Variants in FAF1 observed in about 807,000 individuals in gnomAD.
The protein encoded by FAF1 is Fas associated factor 1.
FAF1 carries 25 observed loss-of-function variants against 92.5 expected under a neutral mutation model. That is an observed-to-expected ratio of 0.27 (90% CI 0.20 to 0.38). The LOEUF is 0.38. FAF1 is among the 10% of genes least tolerant of loss of function. The pLI is 1.00. For synonymous variants in FAF1, 234 were observed against 273.2 expected, an observed-to-expected ratio of 0.86 and a Z score of 1.42; for missense variants, 636 against 793.3, an observed-to-expected ratio of 0.80 and a Z score of 2.38.
intron 1 of FAF1, among the ~76,000 whole-genome samples, chr1:50,941,751 G>A (rs548156502): frequency 6.6e-6 from 1 of 152,254 alleles, no homozygotes; most frequent in African/African-American, 2.4e-5. Flanking sequence ...CAATAGAAGG[G>A]AAATATGTTC....
chr1:50,869,714 T>TA lies in FAF1; in HGVS notation c.46-11718dup, dbSNP rs551447726. ...CCTATAGTTTTCCAATTTACCTACC[T>TA]AGTATAGAGTTTTTTCTTTGAGGAT... On this transcript the variant is annotated intron_variant, in intron 1 of 18. Coordinates refer to ENST00000396153, the MANE Select transcript of FAF1 (RefSeq NM_007051.3). Among the ~76,000 whole-genome samples the TA allele has an allele frequency of 2.0e-4, 30 of 152,328 alleles. 1 individual carries two copies. In the South Asian group the frequency reaches 6.0e-3, roughly 30 times the overall value.
intron 9 of FAF1, among the ~76,000 whole-genome samples, chr1:50,587,311 C>A (rs538003222): frequency 8.5e-5 from 13 of 152,222 alleles, no homozygotes; most frequent in Admixed American, 8.5e-4. Flanking sequence ...TTCCAGAAAA[C>A]AAAATCCTAT....
chr1:50,551,559 T>C (rs1254325269), intron 13 of FAF1, among the ~76,000 whole-genome samples: 1 of 152,206 alleles, frequency 6.6e-6, no homozygotes, highest in Non-Finnish European at 1.5e-5. Context: ...AGATGGTTTA[T>C]GAACAATTAG....
chr1:50,546,655 C>T lies in FAF1; in HGVS notation c.1269-6927G>A, dbSNP rs556750449. ...CTGAGATCACAGGCATGAGATACCG[C>T]GCCCGGCCATTAATTTGTTTATATA... On this transcript the variant is annotated intron_variant, in intron 13 of 18. Transcript: ENST00000396153. Among the ~76,000 whole-genome samples, 23 of 152,218 alleles carry T rather than the reference C, an allele frequency of 1.5e-4. No homozygotes were observed. In the South Asian group the frequency reaches 4.6e-3, roughly 30 times the overall value.
At chr1:50,460,737 G>A (rs1237779634) in intron 18 of FAF1, among the ~76,000 whole-genome samples, 1 of 151,024 alleles carries the variant, frequency 6.6e-6, no homozygotes, top group Non-Finnish European at 1.5e-5. Flanking sequence ...AGACTGAAGT[G>A]ATCCTCCCAC....
chr1:50,791,026 T>G (rs72902765), intron 3 of FAF1, among the ~76,000 whole-genome samples: 10,077 of 152,218 alleles, frequency 0.066, 414 homozygotes, highest in East Asian at 0.095. Context: ...TAAATCATAC[T>G]CCAAAAAGTT....
At chr1:50,820,847 ATGTG>A (rs59160200) in intron 2 of FAF1, among the ~76,000 whole-genome samples, 13 of 149,710 alleles carry the variant, frequency 8.7e-5, no homozygotes, top group African/African-American at 3.2e-4. Context: ...CTGAATAATA[ATGTG>A]TGTGTGTGTG....
At position 50,441,360 on chromosome 1, in the gene FAF1, G is replaced by C; in HGVS notation, c.*80C>G. 1.3e-6 allele frequency: 1 copy of C among 757,382 alleles called. No individual in the cohort carries two copies. The highest frequency in any genetic ancestry group is 2.1e-6 in the Non-Finnish European group (1 of 474,598). 46.9% of individuals were successfully genotyped at this position (757,382 alleles called of 1,614,324 possible). On this transcript the variant is annotated 3_prime_UTR_variant, in exon 19 of 19. Transcript: ENST00000396153. Reference sequence around the variant, plus strand: ...TTGAATTGAGTGAGACGAGCGTGTGGGTGGGTTGGCGAGGAGCCCTTCTCC... The same window carrying C: ...TTGAATTGAGTGAGACGAGCGTGTGCGTGGGTTGGCGAGGAGCCCTTCTCC...
At chr1:50,824,402 C>T (rs1054695198) in intron 2 of FAF1, among the ~76,000 whole-genome samples, 1 of 151,994 alleles carries the variant, frequency 6.6e-6, no homozygotes, top group Non-Finnish European at 1.5e-5. Context: ...CTATAGTCTG[C>T]CTTATAATAA....
chr1:50,502,913 G>A (rs752948769), intron 15 of FAF1, among the ~76,000 whole-genome samples: 6 of 152,014 alleles, frequency 3.9e-5, no homozygotes, highest in Non-Finnish European at 7.4e-5. Context: ...TTAAACTCCT[G>A]GGCTCAAGTG....
intron 15 of FAF1, among the ~76,000 whole-genome samples, chr1:50,510,977 CAT>C (rs1054937326): frequency 4.6e-5 from 7 of 152,198 alleles, no homozygotes; most frequent in African/African-American, 1.4e-4. Flanking sequence ...ATATGGAAGA[CAT>C]ATTTTATCTA....
At chr1:50,508,865 T>TA (rs527901335) in intron 15 of FAF1, among the ~76,000 whole-genome samples, 34 of 152,316 alleles carry the variant, frequency 2.2e-4, no homozygotes, top group African/African-American at 6.7e-4. Flanking sequence ...CACACCCTGC[T>TA]AATTTTTTTT....
intron 8 of FAF1, among the ~76,000 whole-genome samples, chr1:50,654,537 G>A (rs1655016124): frequency 6.6e-6 from 1 of 151,936 alleles, no homozygotes; most frequent in South Asian, 2.1e-4. Context: ...TTTACAATAA[G>A]GAAATCATTA....
intron 8 of FAF1, among the ~76,000 whole-genome samples, chr1:50,624,398 C>G (rs746953898): frequency 6.6e-6 from 1 of 152,162 alleles, no homozygotes; most frequent in African/African-American, 2.4e-5. Flanking sequence ...CTGCCCGCCT[C>G]GGCCTCCCAA....
chr1:50,673,428 C>T (rs887511415), intron 7 of FAF1, among the ~76,000 whole-genome samples: 2 of 152,136 alleles, frequency 1.3e-5, no homozygotes, highest in African/African-American at 2.4e-5. Context: ...AAAATACATA[C>T]TGAGTACCTA....
intron 2 of FAF1, among the ~76,000 whole-genome samples, chr1:50,857,532 A>C (rs911217562): frequency 9.2e-5 from 14 of 151,802 alleles, no homozygotes; most frequent in African/African-American, 3.1e-4. Context: ...ACCATAGCAG[A>C]ATGCAACTAC....
At chr1:50,814,921 G>A (rs1643952896) in intron 2 of FAF1, among the ~76,000 whole-genome samples, 1 of 152,154 alleles carries the variant, frequency 6.6e-6, no homozygotes, top group Non-Finnish European at 1.5e-5. Flanking sequence ...CTTTTGTACT[G>A]CTGATGGGAA....
chr1:50,727,751 G>A (rs1481969923), intron 6 of FAF1, among the ~76,000 whole-genome samples: 1 of 152,166 alleles, frequency 6.6e-6, no homozygotes, highest in Non-Finnish European at 1.5e-5. Context: ...CCTCAATCTG[G>A]GTGGGTATTG....
intron 7 of FAF1, among the ~76,000 whole-genome samples, chr1:50,674,226 C>T (rs1656020040): frequency 6.6e-6 from 1 of 152,142 alleles, no homozygotes; most frequent in Non-Finnish European, 1.5e-5. Flanking sequence ...GCTGGGATTA[C>T]AGGCGTGAGC....
Sources: gnomAD v4.1 joint callset for allele counts (sites outside exome capture counted in the v4.1 genomes callset) on GRCh38, gnomAD v4.1.1 for gene constraint, MANE v1.5 for transcripts, NCBI Gene and HGNC (gene_info 2026-07-23, HGNC 2026-07-21) for gene names.